MYO15B: variants seen among roughly 807,000 people sequenced by gnomAD.
The protein encoded by MYO15B is myosin XVB pseudogene.
MYO15B carries 207 observed loss-of-function variants against 119.3 expected under a neutral mutation model. The observed-to-expected ratio is 1.73, with a 90% CI of 1.55 to 1.95. MYO15B has a LOEUF of 1.95. MYO15B is among the 30% of genes most tolerant of loss of function. MYO15B has a pLI of 0.00. For synonymous variants in MYO15B, 966 were observed against 498.9 expected, an observed-to-expected ratio of 1.94 and a Z score of -12.48; for missense variants, 2,264 against 1,203.1, an observed-to-expected ratio of 1.88 and a Z score of -13.04.
exon 36 of MYO15B, chr17:75,615,764 T>G: frequency 1.4e-6 from 1 of 701,938 alleles, no homozygotes; most frequent in South Asian, 1.5e-5. Flanking sequence ...AGCAGCAGGC[T>G]CGGGCCTCCG....
exon 15 of MYO15B, chr17:75,601,451 C>A (rs1481794018): frequency 4.3e-6 from 3 of 702,948 alleles, no homozygotes; most frequent in Admixed American, 2.0e-5. Context: ...ACGGACCACA[C>A]CTTCCTCCAG....
intron 14 of MYO15B, among the ~76,000 whole-genome samples, chr17:75,597,986 G>C (rs969123494): frequency 6.6e-5 from 10 of 152,028 alleles, no homozygotes; most frequent in Non-Finnish European, 1.0e-4. Flanking sequence ...GTGCGGCTCC[G>C]TGGGTGGGCG....
chr17:75,588,200 C>A (rs1409237906), exon 1 of MYO15B: 3 of 397,882 alleles, frequency 7.5e-6, no homozygotes, highest in Non-Finnish European at 1.3e-5. Flanking sequence ...GCGGACAGGG[C>A]GAAACCGGCG....
At position 75,620,377 on chromosome 17, in the gene MYO15B, G is replaced by C; in HGVS notation, c.7555+20G>C. On this transcript the variant is annotated intron_variant, in intron 48 of 63. Transcript: ENST00000645453. The stretch of plus-strand genomic sequence containing the variant: ...AGCCAGGTATCGCCAGAGGCCGGCA[G>C]GGGCTCACACAGGGAGGGCATCCAC... 1.4e-6 allele frequency: 1 copy of C among 702,912 alleles called. No homozygotes were observed. The allele number at this position is 702,912 out of a possible 1,614,324, so 43.5% of individuals were successfully genotyped here.
rs1488083836 is a variant in MYO15B, at chr17:75,591,100, C to A, written c.2361-72C>A. 3 of 699,038 alleles carry A rather than the reference C, an allele frequency of 4.3e-6. No individual in the cohort carries two copies. In the East Asian group the frequency reaches 8.1e-5, roughly 19 times the overall value. The allele number at this position is 699,038 out of a possible 1,614,324, so 43.3% of individuals were successfully genotyped here. ...TGTCCCCTTGACTGAGGTCCCGGGG[C>A]CTGTGAGCACCTCTGCTACACCTCG... On this transcript the variant is annotated intron_variant, in intron 3 of 63. Transcript: ENST00000645453.
At chr17:75,620,865 A>C in intron 49 of MYO15B, 166 bp from the exon 50 acceptor site, 1 of 701,722 alleles carries the variant, frequency 1.4e-6, no homozygotes, top group Non-Finnish European at 2.6e-6. Context: ...CCCACGTGGT[A>C]CTTAGTTCAA....
exon 3 of MYO15B, chr17:75,591,016 C>A: frequency 1.6e-6 from 1 of 621,750 alleles, no homozygotes; most frequent in Non-Finnish European, 2.9e-6. Context: ...AGCACCACTC[C>A]GTATGTGACT....
At chr17:75,602,415 G>A in intron 15 of MYO15B, 102 bp from the exon 16 acceptor site, 1 of 701,972 alleles carries the variant, frequency 1.4e-6, no homozygotes, top group African/African-American at 1.7e-5. Context: ...AGGTCACCTG[G>A]GGAGAGGGTA....
exon 39 of MYO15B, chr17:75,616,649 G>C: frequency 1.4e-6 from 1 of 702,966 alleles, no homozygotes; most frequent in Non-Finnish European, 2.6e-6. Context: ...CCAAGGGCCA[G>C]CCCAAGGCAG....
intron 20 of MYO15B, 112 bp from the exon 21 acceptor site, chr17:75,605,752 A>G: frequency 1.5e-6 from 1 of 652,662 alleles, no homozygotes; most frequent in Non-Finnish European, 2.8e-6. Flanking sequence ...GCTGGACGGC[A>G]GGGCCAGAAG....
intron 59 of MYO15B, 91 bp from the exon 60 acceptor site, chr17:75,625,032 C>CA (rs1402723261): frequency 7.6e-6 from 5 of 658,088 alleles, no homozygotes; most frequent in Non-Finnish European, 1.4e-5. Flanking sequence ...TGGGGGGTGA[C>CA]AGTGGCAAAA....
chr17:75,599,441 AT>A (rs200313801), intron 14 of MYO15B, among the ~76,000 whole-genome samples: 1,649 of 150,088 alleles, frequency 0.011, 26 homozygotes, highest in African/African-American at 0.038. Context: ...TGCTTGGCTA[AT>A]TTTTTTTTCT....
chr17:75,613,487 G>A lies in MYO15B; in HGVS notation c.5146+16G>A. Reference sequence around the variant, plus strand: ...ACCTTCAGCGGTGAGGGCTGCCTCTGGCTGAGGCCTCCCAGGCCTGAAGTG... The same window carrying A: ...ACCTTCAGCGGTGAGGGCTGCCTCTAGCTGAGGCCTCCCAGGCCTGAAGTG... On this transcript the variant is annotated intron_variant, in intron 28 of 63. Transcript: ENST00000645453. The A allele has an allele frequency of 3.0e-6, 2 of 670,046 alleles. No homozygotes were observed. The highest frequency in any genetic ancestry group is 5.3e-6 in the Non-Finnish European group (2 of 375,442). The allele number at this position is 670,046 out of a possible 1,614,324, so 41.5% of individuals were successfully genotyped here. A position where few individuals can be genotyped will look rare whatever the true frequency, so the allele number is the denominator to read the frequency against.
exon 1 of MYO15B, chr17:75,588,735 G>A (rs943732609): frequency 2.5e-6 from 1 of 397,198 alleles, no homozygotes; most frequent in Middle Eastern, 6.3e-4. Flanking sequence ...GGTCGTCGGG[G>A]ACGGGGCCCC....
chr17:75,616,841 A>G (rs1306379330), intron 39 of MYO15B, 33 bp from the exon 40 acceptor site: 3 of 702,910 alleles, frequency 4.3e-6, no homozygotes, highest in East Asian at 2.7e-5. Flanking sequence ...GAATCACCCT[A>G]TGAACTTAGT....
chr17:75,592,513 G>T, exon 8 of MYO15B: 1 of 606,576 alleles, frequency 1.6e-6, no homozygotes, highest in South Asian at 1.9e-5. Flanking sequence ...TCCCTGCAGG[G>T]ACCGGAGACT....
At chr17:75,619,305 C>G (rs1364853291) in intron 44 of MYO15B, 53 bp from the exon 45 acceptor site, 1 of 702,260 alleles carries the variant, frequency 1.4e-6, no homozygotes, top group African/African-American at 1.7e-5. Flanking sequence ...GGAGCAAACT[C>G]TAGAGCCCCC....
rs551490555 is a variant in MYO15B at position 75,601,836 on chromosome 17, T to C, written c.3651+273T>C. 2.4e-4 allele frequency among the ~76,000 whole-genome samples: 36 copies of C among 152,364 alleles called. 1 individual carries two copies. Among genetic ancestry groups the C allele is most frequent in the African/African-American group, 8.2e-4 (34 of 41,590 alleles). On this transcript the variant is annotated intron_variant, in intron 15 of 63. Coordinates refer to ENST00000645453, the Ensembl canonical transcript of MYO15B. ...GGACCTGATGACCTTGGCAGTTTAC[T>C]TCGCCTTCTGAGCCTCCGTTTCCTC... is the stretch of plus-strand genomic sequence containing the variant.
intron 21 of MYO15B, chr17:75,607,271 C>A: frequency 6.3e-6 from 2 of 319,322 alleles, no homozygotes; most frequent in East Asian, 9.5e-5. Flanking sequence ...CTACTTGAGT[C>A]TCTATGAAGT....
Sources: allele counts gnomAD v4.1 joint callset (sites outside exome capture counted in the v4.1 genomes callset), GRCh38; gene constraint gnomAD v4.1.1; transcripts MANE v1.5; gene names NCBI Gene and HGNC (gene_info 2026-07-23, HGNC 2026-07-21).